The following MIX23 variants were observed in gnomAD, a reference collection of about 807,000 sequenced individuals.
MIX23 encodes mitochondrial matrix import factor 23.
A neutral mutation model predicts 21.6 loss-of-function variants in MIX23; 13 were observed. The ratio of observed to expected loss-of-function variants is 0.60; its 90% CI spans 0.39 to 0.96. MIX23 has a LOEUF of 0.96. Ranked by LOEUF, MIX23 falls within the 40% of genes least tolerant of loss-of-function variation. The probability of loss-of-function intolerance (pLI) is 0.00; values close to 1 mark genes in which losing one functional copy is unlikely to be tolerated. For synonymous variants in MIX23, 59 were observed against 58.0 expected, an observed-to-expected ratio of 1.02 and a Z score of -0.08; for missense variants, 144 against 171.2, an observed-to-expected ratio of 0.84 and a Z score of 0.89.
chr3:122,377,601 C>A (rs947304385), intron 1 of MIX23, among the ~76,000 whole-genome samples: 1 of 152,178 alleles, frequency 6.6e-6, no homozygotes, highest in Non-Finnish European at 1.5e-5. Context: ...GTAATCCCAG[C>A]TCTTTGGCAG....
At chr3:122,375,928 C>T (rs1488990894) in intron 1 of MIX23, among the ~76,000 whole-genome samples, 4 of 151,956 alleles carry the variant, frequency 2.6e-5, no homozygotes, top group Non-Finnish European at 5.9e-5. Flanking sequence ...CTTTGGGAGG[C>T]CAAGGTGGGT....
chr3:122,363,244 A>C (rs536915182), intron 3 of MIX23, among the ~76,000 whole-genome samples: 184 of 152,284 alleles, frequency 1.2e-3, no homozygotes, highest in Non-Finnish European at 2.4e-3. Context: ...ACTTTGCTGC[A>C]TATCCTAATC....
At chr3:122,380,769 T>C (rs2075525249) in intron 1 of MIX23, among the ~76,000 whole-genome samples, 1 of 152,134 alleles carries the variant, frequency 6.6e-6, no homozygotes, top group East Asian at 1.9e-4. Context: ...GCCACAGTAT[T>C]ATGGAGATTA....
intron 3 of MIX23, 132 bp downstream of exon 3, chr3:122,368,044 A>T (rs977694521): frequency 1.4e-6 from 1 of 718,416 alleles, no homozygotes; most frequent in Admixed American, 2.6e-5. Context: ...CTAAAAATGA[A>T]GCACTAATCT....
Position 122,359,857 on chromosome 3 carries a change from A to AT in MIX23, c.*11_*12insA. 1.4e-6 allele frequency: 2 copies of AT among 1,443,988 alleles called. No individual in the cohort carries two copies. The highest frequency in any genetic ancestry group is 1.8e-6 in the Non-Finnish European group (2 of 1,086,210). 89.4% of individuals were successfully genotyped at this position (1,443,988 alleles called of 1,614,324 possible). ...AAAAAAAAAAAAAAAAAAAAAAAAAAAGAATCTCTCTTTATTCATTCTTTG... is the reference window on the plus strand; with the variant it reads ...AAAAAAAAAAAAAAAAAAAAAAAAAATAGAATCTCTCTTTATTCATTCTTTG... On this transcript the variant is annotated 3_prime_UTR_variant, in exon 5 of 5. Transcript: ENST00000291458.
rs1055760152 is a variant in MIX23 at position 122,359,733 on chromosome 3, C to T, written c.*136G>A. 2 of 782,794 alleles carry T rather than the reference C, an allele frequency of 2.6e-6. No individual in the cohort carries two copies. The highest frequency in any genetic ancestry group is 3.4e-6 in the Non-Finnish European group (2 of 582,756). The allele number at this position is 782,794 out of a possible 1,614,324, so 48.5% of individuals were successfully genotyped here. A position where few individuals can be genotyped will look rare whatever the true frequency, so the allele number is the denominator to read the frequency against. The stretch of plus-strand genomic sequence containing the variant: ...GGTCTTGGCTAAGTGGGGCTGAAAT[C>T]AACAAAAGGTCTTGGACTGTTGGCT... On this transcript the variant is annotated 3_prime_UTR_variant, in exon 5 of 5. Transcript: ENST00000291458.
At chr3:122,364,841 G>A (rs6438724) in intron 3 of MIX23, among the ~76,000 whole-genome samples, 52,463 of 151,790 alleles carry the variant, frequency 0.35, 10,205 homozygotes, top group East Asian at 0.56. Flanking sequence ...AATCCTCCCC[G>A]CACATGCCCC....
chr3:122,369,505 T>G (rs544540242), intron 2 of MIX23, among the ~76,000 whole-genome samples: 1 of 152,218 alleles, frequency 6.6e-6, no homozygotes, highest in Non-Finnish European at 1.5e-5. Context: ...CTTATTGGTA[T>G]GGGCACTCTG....
Position 122,368,171 on chromosome 3 carries a change from C to T in MIX23, c.324+5G>A. On this transcript the variant is annotated splice_donor_5th_base_variant and intron_variant, in intron 3 of 4. Coordinates refer to ENST00000291458, the MANE Select transcript of MIX23 (RefSeq NM_001017928.4). ...CCTGAGAAATGTTAATTCTGTTCAA[C>T]TTACCTTTGTCTGCTCTTTTCTAAG... The T allele has an allele frequency of 6.2e-7, 1 of 1,609,946 alleles. No homozygotes were observed. Among genetic ancestry groups the T allele is most frequent in the Non-Finnish European group, 8.5e-7 (1 of 1,179,426 alleles).
intron 4 of MIX23, among the ~76,000 whole-genome samples, chr3:122,361,217 A>C (rs759791769): frequency 1.8e-4 from 28 of 152,274 alleles, no homozygotes; most frequent in Middle Eastern, 6.8e-3. Flanking sequence ...TATTCATTAA[A>C]TTCTACATGT....
chr3:122,362,988 C>G lies in MIX23; in HGVS notation c.364G>C (p.Val122Leu). The G allele has an allele frequency of 6.2e-7, 1 of 1,613,262 alleles. No individual in the cohort carries two copies. The highest frequency in any genetic ancestry group is 8.5e-7 in the Non-Finnish European group (1 of 1,179,586). ...MQSELNVEEV[V>L]NDRSWKVFNE... ...TATACCTTCCAGCTCCTGTCATTTA[C>G]CACTTCTTCAACATTCAGTTCTGAC... The change falls in exon 4 of 5, where the codon GTA (valine) becomes CTA (leucine). Residue 122 changes from valine (V) to leucine (L), a missense_variant. Coordinates refer to ENST00000291458, the MANE Select transcript of MIX23 (RefSeq NM_001017928.4).
intron 2 of MIX23, among the ~76,000 whole-genome samples, chr3:122,368,736 CT>C (rs1559991061): frequency 6.6e-6 from 1 of 152,166 alleles, no homozygotes; most frequent in Non-Finnish European, 1.5e-5. Context: ...TCTCTTTGTC[CT>C]TTCATATTTT....
intron 2 of MIX23, 84 bp downstream of exon 2, chr3:122,371,591 A>G: frequency 6.9e-7 from 1 of 1,456,808 alleles, no homozygotes; most frequent in Non-Finnish European, 9.6e-7. Flanking sequence ...CTTTAGTCAC[A>G]GTCGAGTTAC....
chr3:122,381,525 T>G (rs1377279252), intron 1 of MIX23, among the ~76,000 whole-genome samples: 1 of 151,964 alleles, frequency 6.6e-6, no homozygotes, highest in East Asian at 1.9e-4. Flanking sequence ...GTCTGGAGTT[T>G]GGAACCAGCC....
rs1307673082 is a variant in MIX23 at position 122,359,934 on chromosome 3, C to T, written c.385-15G>A. ...TCATTAAACACCTAAAATATTGAAA[C>T]AGAAACAAAAGTCATTGAGTTATCC... On this transcript the variant is annotated splice_polypyrimidine_tract_variant and intron_variant, in intron 4 of 4. Coordinates refer to ENST00000291458, the MANE Select transcript of MIX23 (RefSeq NM_001017928.4). The T allele has an allele frequency of 1.3e-6, 2 of 1,492,234 alleles. No individual in the cohort carries two copies. The highest frequency in any genetic ancestry group is 1.8e-6 in the Non-Finnish European group (2 of 1,118,610). 92.4% of individuals were successfully genotyped at this position (1,492,234 alleles called of 1,614,324 possible).
intron 4 of MIX23, 93 bp downstream of exon 4, chr3:122,362,875 C>T (rs2075368982): frequency 1.1e-6 from 1 of 896,290 alleles, no homozygotes; most frequent in East Asian, 3.0e-5. Context: ...TTCCTTACAG[C>T]CTCAAGGCAC....
In MIX23 at chr3:122,359,630, T is replaced by A; in HGVS notation, c.*239A>T. Reference sequence around the variant, plus strand: ...AAATTATTTTAATAGTTACAAAAATTTTTTTTTTTTTTTTTTACAGAATCA... The same window carrying A: ...AAATTATTTTAATAGTTACAAAAATATTTTTTTTTTTTTTTTACAGAATCA... On this transcript the variant is annotated 3_prime_UTR_variant, in exon 5 of 5. Coordinates refer to ENST00000291458, the MANE Select transcript of MIX23 (RefSeq NM_001017928.4). The A allele has an allele frequency of 4.1e-5, 10 of 245,076 alleles. No homozygotes were observed. Among genetic ancestry groups the A allele is most frequent in the Non-Finnish European group, 6.8e-5 (9 of 131,452 alleles). The allele number at this position is 245,076 out of a possible 1,614,324, so 15.2% of individuals were successfully genotyped here.
intron 4 of MIX23, 109 bp downstream of exon 4, chr3:122,362,859 T>C: frequency 3.4e-6 from 2 of 591,394 alleles, no homozygotes; most frequent in South Asian, 4.2e-5. Flanking sequence ...ACGAGTGATC[T>C]CTACTTTCCT....
chr3:122,382,906 G>A (rs1248385655), intron 1 of MIX23, among the ~76,000 whole-genome samples: 1 of 152,172 alleles, frequency 6.6e-6, no homozygotes, highest in East Asian at 1.9e-4. Flanking sequence ...CACGCATCCC[G>A]AGCTTTACCA....
Sources: allele counts gnomAD v4.1 joint callset (sites outside exome capture counted in the v4.1 genomes callset), GRCh38; gene constraint gnomAD v4.1.1; transcripts MANE v1.5; gene names NCBI Gene and HGNC (gene_info 2026-07-23, HGNC 2026-07-21).